The following CREB5 variants were observed in gnomAD, a reference collection of about 807,000 sequenced individuals.
The protein encoded by CREB5 is cAMP responsive element binding protein 5.
In CREB5, 19 loss-of-function variants were observed where a neutral mutation model predicts 57.1. The observed-to-expected ratio is 0.33, with a 90% CI of 0.23 to 0.49. The LOEUF (loss-of-function observed/expected upper bound fraction) is 0.49, where lower values mean the gene tolerates loss of function less well. CREB5 is among the 20% of genes least tolerant of loss of function. The pLI is 0.99. For missense variants in CREB5, 579 were observed against 671.6 expected (o/e 0.86, Z 1.52); for synonymous variants, 238 against 238.3 (o/e 1.00, Z 0.01).
At position 28,596,004 on chromosome 7, in the gene CREB5, G is replaced by A. The variant is rs139506047; in HGVS notation, c.464+25467G>A. ...CGTGCTTACCATAGCACTCTAGGCC[G>A]AGACCTCCTAAATCACAGTATCATG... On this transcript the variant is annotated intron_variant, in intron 5 of 10. Coordinates refer to ENST00000357727, the MANE Select transcript of CREB5 (RefSeq NM_182898.4). 8.2e-4 allele frequency among the ~76,000 whole-genome samples: 125 copies of A among 152,246 alleles called. 2 individuals carry two copies. The highest frequency in any genetic ancestry group is 3.4e-3 in the Middle Eastern group (1 of 292).
chr7:28,561,029 T>TGTGTGTGCGTGCGTGTGC (rs1562798693), intron 4 of CREB5, among the ~76,000 whole-genome samples: 36 of 65,202 alleles, frequency 5.5e-4, no homozygotes, highest in African/African-American at 2.9e-3. Flanking sequence ...TGTGTGCGTG[T>TGTGTGTGCGTGCGTGTGC]GTGTGTGTGT....
chr7:28,698,642 A>C (rs934360541), intron 5 of CREB5, among the ~76,000 whole-genome samples: 1 of 152,204 alleles, frequency 6.6e-6, no homozygotes, highest in African/African-American at 2.4e-5. Flanking sequence ...CTAAAAGCAA[A>C]CAGATTGGAG....
At chr7:28,328,787 A>G (rs1283953423) in intron 1 of CREB5, among the ~76,000 whole-genome samples, 1 of 152,202 alleles carries the variant, frequency 6.6e-6, no homozygotes, top group African/African-American at 2.4e-5. Flanking sequence ...GGGGCTCAGG[A>G]ACTGAAAATA....
intron 1 of CREB5, among the ~76,000 whole-genome samples, chr7:28,481,299 T>C (rs962986135): frequency 6.6e-6 from 1 of 152,230 alleles, no homozygotes; most frequent in African/African-American, 2.4e-5. Flanking sequence ...TGTAGGATTC[T>C]GAGCTTTTGG....
At chr7:28,568,796 G>A (rs1343980552) in intron 4 of CREB5, among the ~76,000 whole-genome samples, 1 of 152,184 alleles carries the variant, frequency 6.6e-6, no homozygotes, top group Non-Finnish European at 1.5e-5. Context: ...TGGGAAAGGT[G>A]CAATGTGATG....
chr7:28,453,955 A>ATTTTTTTTT (rs1562727062), intron 1 of CREB5, among the ~76,000 whole-genome samples: 3 of 89,514 alleles, frequency 3.4e-5, no homozygotes, highest in Non-Finnish European at 5.2e-5. Context: ...CTCCTCTCCA[A>ATTTTTTTTT]TTCTTTTTTT....
intron 7 of CREB5, among the ~76,000 whole-genome samples, chr7:28,725,645 TAA>T (rs1554291840): frequency 1.5e-3 from 165 of 112,382 alleles, no homozygotes; most frequent in African/African-American, 4.8e-3. Flanking sequence ...TATCTTTTTT[TAA>T]AAAAAAAAAA....
intron 4 of CREB5, among the ~76,000 whole-genome samples, chr7:28,563,173 A>G (rs1795345305): frequency 1.3e-5 from 2 of 152,162 alleles, no homozygotes; most frequent in Non-Finnish European, 2.9e-5. Context: ...TAATATTACT[A>G]ATATTAATAT....
intron 1 of CREB5, among the ~76,000 whole-genome samples, chr7:28,395,490 T>C (rs144106289): frequency 2.5e-4 from 38 of 152,320 alleles, no homozygotes; most frequent in African/African-American, 7.9e-4. Flanking sequence ...ACAGCCTTAG[T>C]GCATGTCAGG....
chr7:28,629,397 G>T (rs1180925793), intron 5 of CREB5, among the ~76,000 whole-genome samples: 1 of 152,198 alleles, frequency 6.6e-6, no homozygotes, highest in African/African-American at 2.4e-5. Context: ...AAGCTGTTCA[G>T]CTGCTGTTGG....
chr7:28,457,555 A>G (rs1790157228), intron 1 of CREB5, among the ~76,000 whole-genome samples: 1 of 152,244 alleles, frequency 6.6e-6, no homozygotes, highest in African/African-American at 2.4e-5. Context: ...AGCAAATAAA[A>G]TGAATTCTAA....
intron 5 of CREB5, among the ~76,000 whole-genome samples, chr7:28,712,307 A>C (rs1437859494): frequency 6.6e-6 from 1 of 152,062 alleles, no homozygotes; most frequent in East Asian, 1.9e-4. Context: ...CAAGAGTTCA[A>C]GACCAGCCTG....
rs1416961020 is a variant in CREB5 at position 28,737,554 on chromosome 7, TA to T, written c.702+13223del. On this transcript the variant is annotated intron_variant, in intron 7 of 10. Coordinates refer to ENST00000357727, the MANE Select transcript of CREB5 (RefSeq NM_182898.4). ...ATATATATACGTATATATATATATA[TA>T]TATATATATATATATATATATATAT... Among the ~76,000 whole-genome samples, 55 of 36,616 alleles carry T rather than the reference TA, an allele frequency of 1.5e-3. 2 individuals are homozygous for T. In the East Asian group the frequency reaches 0.018, roughly 12 times the overall value. 24.0% of individuals were successfully genotyped at this position (36,616 alleles called of 152,430 possible).
intron 1 of CREB5, among the ~76,000 whole-genome samples, chr7:28,390,044 GT>G (rs35529627): frequency 0.023 from 3,294 of 143,028 alleles, 103 homozygotes; most frequent in African/African-American, 0.079. Flanking sequence ...AAGTAGGAGG[GT>G]TTTTTTTTTT....
At position 28,818,175 on chromosome 7, in the gene CREB5, T is replaced by C; in HGVS notation, c.1359T>C (p.Tyr453=). ...ITAMQKESQG[Y]LSPESSPPAS... Reference sequence around the variant, plus strand: ...CCATGCAGAAAGAATCACAAGGATATCTAAGTAAGTCGCCGACTTTTTCAC... The same window carrying C: ...CCATGCAGAAAGAATCACAAGGATACCTAAGTAAGTCGCCGACTTTTTCAC... Residue 453 remains tyrosine, a synonymous_variant, in exon 10 of 11, where the codon TAT becomes TAC. Coordinates refer to ENST00000357727, the MANE Select transcript of CREB5 (RefSeq NM_182898.4). 6.2e-7 allele frequency: 1 copy of C among 1,607,438 alleles called. No individual in the cohort carries two copies. The highest frequency in any genetic ancestry group is 1.1e-5 in the South Asian group (1 of 90,112).
At chr7:28,320,752 A>G (rs759020494) in intron 1 of CREB5, among the ~76,000 whole-genome samples, 1 of 152,258 alleles carries the variant, frequency 6.6e-6, no homozygotes, top group Non-Finnish European at 1.5e-5. Flanking sequence ...CAGAGTCAAC[A>G]TTATTCAGCA....
chr7:28,810,529 C>T (rs1170082517), intron 9 of CREB5, among the ~76,000 whole-genome samples: 1 of 151,960 alleles, frequency 6.6e-6, no homozygotes, highest in Non-Finnish European at 1.5e-5. Context: ...CCCGTCTCTA[C>T]TAAAAACACA....
chr7:28,729,428 G>A (rs549348042), intron 7 of CREB5, among the ~76,000 whole-genome samples: 16 of 152,294 alleles, frequency 1.1e-4, no homozygotes, highest in African/African-American at 3.1e-4. Context: ...TGAGCAATCC[G>A]TGGTTGCATA....
intron 1 of CREB5, among the ~76,000 whole-genome samples, chr7:28,338,727 C>A (rs1017664621): frequency 1.3e-5 from 2 of 152,120 alleles, no homozygotes; most frequent in African/African-American, 4.8e-5. Context: ...CTCTCTTTAC[C>A]TCCTCTTTAA....
Sources: gnomAD v4.1 joint callset for allele counts (sites outside exome capture counted in the v4.1 genomes callset) on GRCh38, gnomAD v4.1.1 for gene constraint, MANE v1.5 for transcripts, NCBI Gene and HGNC (gene_info 2026-07-23, HGNC 2026-07-21) for gene names.